The following RAD51 variants were observed in gnomAD, a reference collection of about 807,000 sequenced individuals.
RAD51 encodes RAD51 recombinase, also known as DNA repair protein RAD51 homolog 1.
Under a neutral mutation model 41.5 loss-of-function variants are expected in RAD51, and 14 were observed. That is an observed-to-expected ratio of 0.34 (90% confidence interval 0.22 to 0.53). The LOEUF (loss-of-function observed/expected upper bound fraction) is 0.53. RAD51 is among the 20% of genes least tolerant of loss of function. RAD51 has a pLI of 0.95. For synonymous variants in RAD51, 136 were observed against 148.6 expected, an observed-to-expected ratio of 0.92 and a Z score of 0.62; for missense variants, 234 against 422.0, an observed-to-expected ratio of 0.55 and a Z score of 3.90.
chr15:40,727,883 G>A (rs1896666984), intron 6 of RAD51, among the ~76,000 whole-genome samples: 1 of 124,624 alleles, frequency 8.0e-6, no homozygotes. Flanking sequence ...TTTTTGAGAT[G>A]GAATCTCACT....
At chr15:40,715,527 G>T (rs1169951655) in intron 5 of RAD51, among the ~76,000 whole-genome samples, 2 of 152,180 alleles carry the variant, frequency 1.3e-5, no homozygotes, top group African/African-American at 4.8e-5. Context: ...ACTATAAAAT[G>T]AGAAGTGTTA....
chr15:40,723,179 G>A (rs1009838985), intron 6 of RAD51, among the ~76,000 whole-genome samples: 3 of 152,068 alleles, frequency 2.0e-5, no homozygotes, highest in African/African-American at 7.2e-5. Context: ...CACTATGAAG[G>A]CTATAATAAA....
intron 3 of RAD51, among the ~76,000 whole-genome samples, chr15:40,702,640 C>T (rs1441814840): frequency 6.6e-6 from 1 of 152,012 alleles, no homozygotes; most frequent in Non-Finnish European, 1.5e-5. Context: ...GCCTCAGCCT[C>T]CCAAGTAGCT....
intron 4 of RAD51, among the ~76,000 whole-genome samples, chr15:40,706,779 C>G (rs569794483): frequency 3.2e-4 from 49 of 152,250 alleles, no homozygotes; most frequent in African/African-American, 1.2e-3. Flanking sequence ...TTATAAAATA[C>G]TAAACTTATC....
At chr15:40,722,417 G>GCAA (rs1365978617) in intron 6 of RAD51, among the ~76,000 whole-genome samples, 1 of 130,540 alleles carries the variant, frequency 7.7e-6, no homozygotes. Context: ...CTGGCTCGGG[G>GCAA]AAAAAAAAAA....
intron 5 of RAD51, among the ~76,000 whole-genome samples, chr15:40,710,096 G>A (rs1895595734): frequency 6.6e-6 from 1 of 151,874 alleles, no homozygotes; most frequent in Admixed American, 6.6e-5. Flanking sequence ...CAAAAAATTA[G>A]TTGGGCGTGG....
chr15:40,727,280 G>A (rs753935322), intron 6 of RAD51, among the ~76,000 whole-genome samples: 36 of 151,840 alleles, frequency 2.4e-4, no homozygotes, highest in Non-Finnish European at 4.0e-4. Context: ...CTTTCTGATA[G>A]TAGATTATAT....
chr15:40,727,477 G>T (rs993146586), intron 6 of RAD51, among the ~76,000 whole-genome samples: 1 of 151,438 alleles, frequency 6.6e-6, no homozygotes, highest in Non-Finnish European at 1.5e-5. Flanking sequence ...CAACCAACCC[G>T]GCTACATTTT....
intron 5 of RAD51, among the ~76,000 whole-genome samples, chr15:40,718,487 C>G (rs1259682423): frequency 6.6e-6 from 1 of 150,874 alleles, no homozygotes; most frequent in Non-Finnish European, 1.5e-5. Context: ...CACTGCACTC[C>G]AGCCTGGGCA....
At chr15:40,700,562 G>A (rs1894917207) in intron 2 of RAD51, among the ~76,000 whole-genome samples, 1 of 152,048 alleles carries the variant, frequency 6.6e-6, no homozygotes, top group Non-Finnish European at 1.5e-5. Flanking sequence ...AAAAAGGTTG[G>A]GAGTTACTTT....
chr15:40,710,772 A>G (rs772573161), intron 5 of RAD51, among the ~76,000 whole-genome samples: 3 of 152,136 alleles, frequency 2.0e-5, no homozygotes, highest in Non-Finnish European at 4.4e-5. Flanking sequence ...TCAGGTTACA[A>G]TTGAGAAAGT....
At chr15:40,699,149 G>A (rs1227664462) in intron 2 of RAD51, among the ~76,000 whole-genome samples, 1 of 152,130 alleles carries the variant, frequency 6.6e-6, no homozygotes, top group Non-Finnish European at 1.5e-5. Flanking sequence ...TTGTTTGTTT[G>A]TTTGTTTGTT....
At chr15:40,710,711 C>T (rs1895664403) in intron 5 of RAD51, among the ~76,000 whole-genome samples, 1 of 152,092 alleles carries the variant, frequency 6.6e-6, no homozygotes, top group South Asian at 2.1e-4. Flanking sequence ...TAGCCAAAAA[C>T]CTAACCTGCT....
intron 3 of RAD51, 64 bp downstream of exon 3, chr15:40,701,265 A>T: frequency 6.4e-7 from 1 of 1,555,614 alleles, no homozygotes; most frequent in Non-Finnish European, 8.9e-7. Flanking sequence ...GAATGTAGTG[A>T]AAGACTTCTT....
At chr15:40,720,799 A>C (rs1402995903) in intron 6 of RAD51, among the ~76,000 whole-genome samples, 2 of 152,230 alleles carry the variant, frequency 1.3e-5, no homozygotes, top group East Asian at 1.9e-4. Flanking sequence ...TTTGTACAGC[A>C]AAAACTCTGA....
At chr15:40,718,021 C>T (rs2141855649) in intron 5 of RAD51, among the ~76,000 whole-genome samples, 1 of 152,172 alleles carries the variant, frequency 6.6e-6, no homozygotes, top group East Asian at 1.9e-4. Flanking sequence ...CACTTGAGTC[C>T]AGGAGTTCAA....
chr15:40,701,898 C>T, intron 3 of RAD51: 1 of 388,392 alleles, frequency 2.6e-6, no homozygotes, highest in Non-Finnish European at 5.1e-6. Context: ...ATTCTCCTGC[C>T]TCAGCCTCCC....
Position 40,732,135 on chromosome 15 carries a change from A to C in RAD51, c.*957A>C, listed in dbSNP as rs1298383989. ...AAACAGATTTGATTGTGAGGCTTCT[A>C]ATAAAGTAGTTATTAGTAGTGAATG... is the stretch of plus-strand genomic sequence containing the variant. On this transcript the variant is annotated 3_prime_UTR_variant, in exon 10 of 10. Transcript: ENST00000267868. 7 of 192,876 alleles carry C rather than the reference A, an allele frequency of 3.6e-5. No individual in the cohort carries two copies. The highest frequency in any genetic ancestry group is 9.3e-5 in the African/African-American group (4 of 42,998). 11.9% of individuals were successfully genotyped at this position (192,876 alleles called of 1,614,324 possible).
chr15:40,709,172 A>C (rs1433508293), intron 5 of RAD51, 56 bp downstream of exon 5: 1 of 1,439,854 alleles, frequency 6.9e-7, no homozygotes, highest in Non-Finnish European at 9.8e-7. Flanking sequence ...CATTCCTGCT[A>C]TTTGCAAGCA....
Sources: gnomAD v4.1 joint callset for allele counts (sites outside exome capture counted in the v4.1 genomes callset) on GRCh38, gnomAD v4.1.1 for gene constraint, MANE v1.5 for transcripts, NCBI Gene and HGNC (gene_info 2026-07-23, HGNC 2026-07-21) for gene names.